Variants in SKAP2 observed in about 807,000 individuals in gnomAD.
SKAP2 encodes the protein src kinase-associated phosphoprotein 2.
In SKAP2, 28 loss-of-function variants were observed where a neutral mutation model predicts 54.9. The observed-to-expected ratio is 0.51, with a 90% CI of 0.38 to 0.70. The LOEUF (loss-of-function observed/expected upper bound fraction) is 0.70, where lower values mean the gene tolerates loss of function less well. SKAP2 is among the 30% of genes least tolerant of loss of function. The pLI is 0.00. For missense variants in SKAP2, 356 were observed against 424.1 expected, an observed-to-expected ratio of 0.84 and a Z score of 1.41; for synonymous variants, 137 against 134.3, an observed-to-expected ratio of 1.02 and a Z score of -0.14.
intron 3 of SKAP2, among the ~76,000 whole-genome samples, chr7:26,853,922 C>T (rs542780021): frequency 6.6e-6 from 1 of 152,094 alleles, no homozygotes; most frequent in East Asian, 1.9e-4. Context: ...CTAAGATTTC[C>T]GCATCAGAAG....
chr7:26,862,513 T>G (rs1447558850), intron 1 of SKAP2, among the ~76,000 whole-genome samples: 1 of 152,054 alleles, frequency 6.6e-6, no homozygotes, highest in Non-Finnish European at 1.5e-5. Context: ...TAATATAAAA[T>G]AGTGAAAATG....
intron 4 of SKAP2, among the ~76,000 whole-genome samples, chr7:26,811,943 C>T (rs1480240222): frequency 6.6e-6 from 1 of 152,138 alleles, no homozygotes; most frequent in African/African-American, 2.4e-5. Context: ...AAGCTATAAC[C>T]TTAATTTATA....
chr7:26,749,736 AAATAATAAC>A (rs1782639972), intron 4 of SKAP2, among the ~76,000 whole-genome samples: 2 of 98,318 alleles, frequency 2.0e-5, no homozygotes, highest in Admixed American at 1.2e-4. Context: ...ACCCTGTCTC[AAATAATAAC>A]AATAATAATA....
chr7:26,862,993 GT>G (rs1785299741), intron 1 of SKAP2, among the ~76,000 whole-genome samples: 2 of 152,108 alleles, frequency 1.3e-5, no homozygotes, highest in Admixed American at 1.3e-4. Context: ...AACAAAATCA[GT>G]AGTCATGTGA....
chr7:26,752,773 G>C (rs1383943540), intron 4 of SKAP2, among the ~76,000 whole-genome samples: 2 of 152,112 alleles, frequency 1.3e-5, no homozygotes, highest in Non-Finnish European at 2.9e-5. Flanking sequence ...CATAAACCTG[G>C]ATGAAGATCA....
At chr7:26,780,192 T>G (rs1297080277) in intron 4 of SKAP2, among the ~76,000 whole-genome samples, 1 of 152,096 alleles carries the variant, frequency 6.6e-6, no homozygotes, top group Non-Finnish European at 1.5e-5. Flanking sequence ...CTCATAGAGT[T>G]GTATGGATTA....
intron 4 of SKAP2, among the ~76,000 whole-genome samples, chr7:26,756,687 A>G (rs1279016400): frequency 2.6e-5 from 4 of 152,202 alleles, no homozygotes; most frequent in Admixed American, 1.3e-4. Flanking sequence ...TCCTTTGGGT[A>G]TATACCCAGT....
At chr7:26,727,537 C>T (rs1191498224) in intron 6 of SKAP2, among the ~76,000 whole-genome samples, 4 of 151,762 alleles carry the variant, frequency 2.6e-5, no homozygotes, top group African/African-American at 9.7e-5. Flanking sequence ...CTAAACTACT[C>T]ATGACGAAAA....
intron 9 of SKAP2, 117 bp downstream of exon 9, chr7:26,725,311 G>C (rs1787676372): frequency 1.6e-6 from 1 of 640,210 alleles, no homozygotes; most frequent in Non-Finnish European, 2.6e-6. Context: ...GTTCTCAATA[G>C]GTCACCATTT....
intron 11 of SKAP2, among the ~76,000 whole-genome samples, chr7:26,677,003 A>T (rs960111512): frequency 2.0e-5 from 3 of 152,232 alleles, no homozygotes; most frequent in Non-Finnish European, 2.9e-5. Context: ...GGCGAAGATA[A>T]GGGAAAAGTG....
At chr7:26,659,136 G>A in the SKAP2 span, among the ~76,000 whole-genome samples, 12 of 152,222 alleles carry the variant, frequency 7.9e-5, no homozygotes, top group South Asian at 2.5e-3. Flanking sequence ...ATTGCATTTT[G>A]CCGTTTTATC....
intron 6 of SKAP2, among the ~76,000 whole-genome samples, chr7:26,738,344 G>A (rs1055701097): frequency 5.9e-5 from 9 of 152,156 alleles, no homozygotes; most frequent in African/African-American, 1.4e-4. Context: ...CTATGTACAC[G>A]TTTGCTGTTA....
intron 4 of SKAP2, among the ~76,000 whole-genome samples, chr7:26,803,775 T>A (rs1398197879): frequency 1.3e-5 from 2 of 152,030 alleles, no homozygotes. Context: ...CACAATGGAG[T>A]ACTATTCAGC....
intron 10 of SKAP2, among the ~76,000 whole-genome samples, chr7:26,688,793 C>T (rs1786707617): frequency 6.6e-6 from 1 of 152,048 alleles, no homozygotes; most frequent in Admixed American, 6.6e-5. Flanking sequence ...TTGCTTTAAG[C>T]CAAAATATTT....
At chr7:26,764,325 A>C (rs1782997446) in intron 4 of SKAP2, among the ~76,000 whole-genome samples, 1 of 152,168 alleles carries the variant, frequency 6.6e-6, no homozygotes, top group South Asian at 2.1e-4. Context: ...CATTCTCTAT[A>C]GAAGAAGAAG....
chr7:26,783,205 T>C (rs1451188549), intron 4 of SKAP2, among the ~76,000 whole-genome samples: 1 of 152,194 alleles, frequency 6.6e-6, no homozygotes, highest in Non-Finnish European at 1.5e-5. Flanking sequence ...CTAAAGCAGG[T>C]ATCCAGACGT....
chr7:26,780,391 T>G (rs1472985159), intron 4 of SKAP2, among the ~76,000 whole-genome samples: 1 of 152,116 alleles, frequency 6.6e-6, no homozygotes, highest in Non-Finnish European at 1.5e-5. Flanking sequence ...TTTCCATTGT[T>G]GCATAGGGGC....
intron 4 of SKAP2, among the ~76,000 whole-genome samples, chr7:26,752,543 C>T (rs1193791377): frequency 6.6e-6 from 1 of 152,130 alleles, no homozygotes; most frequent in Non-Finnish European, 1.5e-5. Context: ...AGACACCCTG[C>T]ACAATTTTCA....
At chr7:26,794,909 G>C (rs998197217) in intron 4 of SKAP2, among the ~76,000 whole-genome samples, 2 of 152,184 alleles carry the variant, frequency 1.3e-5, no homozygotes, top group Non-Finnish European at 2.9e-5. Context: ...TCCCCTGTAC[G>C]TATATAAGTT....
Sources: allele counts gnomAD v4.1 joint callset (sites outside exome capture counted in the v4.1 genomes callset), GRCh38; gene constraint gnomAD v4.1.1; transcripts MANE v1.5; gene names NCBI Gene and HGNC (gene_info 2026-07-23, HGNC 2026-07-21).